The following SPMIP11 variants were observed in gnomAD, a reference collection of about 807,000 sequenced individuals.
SPMIP11 encodes the protein long intergenic non-protein coding RNA 935.
the SPMIP11 span, chr12:48,768,424 C>T: frequency 2.0e-6 from 2 of 984,204 alleles, no homozygotes; most frequent in Non-Finnish European, 3.0e-6. Context: ...TGTTTTCCAG[C>T]TTGAGGGCAG....
the SPMIP11 span, among the ~76,000 whole-genome samples, chr12:48,732,146 CAAAA>C: frequency 9.9e-6 from 1 of 100,738 alleles, no homozygotes. Flanking sequence ...AAGATTGTCT[CAAAA>C]AAAAAAAAAA....
chr12:48,732,327 G>A, the SPMIP11 span, among the ~76,000 whole-genome samples: 1 of 152,074 alleles, frequency 6.6e-6, no homozygotes, highest in African/African-American at 2.4e-5. Flanking sequence ...CCTTCTGAGA[G>A]GTATCTTGAA....
the SPMIP11 span, among the ~76,000 whole-genome samples, chr12:48,738,577 C>G: frequency 6.6e-6 from 1 of 151,134 alleles, no homozygotes; most frequent in African/African-American, 2.4e-5. Context: ...CTCTGTCCTC[C>G]AGGCTGGAGT....
At chr12:48,744,079 T>A in the SPMIP11 span, among the ~76,000 whole-genome samples, 1 of 142,652 alleles carries the variant, frequency 7.0e-6, no homozygotes, top group African/African-American at 2.6e-5. Flanking sequence ...AGAAACCCCA[T>A]CTCTACTAAA....
At chr12:48,737,589 A>AT in the SPMIP11 span, among the ~76,000 whole-genome samples, 24 of 151,156 alleles carry the variant, frequency 1.6e-4, no homozygotes, top group Non-Finnish European at 3.4e-4. Context: ...TGATATTTGT[A>AT]TTTTTAGTAG....
chr12:48,752,066 C>CAAAAAAA, the SPMIP11 span, among the ~76,000 whole-genome samples: 1 of 101,820 alleles, frequency 9.8e-6, no homozygotes, highest in Non-Finnish European at 1.8e-5. Flanking sequence ...GACTCTGCCT[C>CAAAAAAA]AAAAAAAAAA....
At chr12:48,751,032 C>T in the SPMIP11 span, among the ~76,000 whole-genome samples, 1 of 152,136 alleles carries the variant, frequency 6.6e-6, no homozygotes, top group Non-Finnish European at 1.5e-5. Context: ...AACACTGTTA[C>T]TATCATGATA....
chr12:48,746,553 G>C, the SPMIP11 span, among the ~76,000 whole-genome samples: 2 of 151,700 alleles, frequency 1.3e-5, no homozygotes. Context: ...TTTTAGTAGG[G>C]ACGGGGTTTC....
chr12:48,752,412 C>A, the SPMIP11 span, among the ~76,000 whole-genome samples: 1 of 152,128 alleles, frequency 6.6e-6, no homozygotes, highest in South Asian at 2.1e-4. Context: ...AGAAGAGCAC[C>A]CCGACCAGTG....
At chr12:48,768,534 C>T in the SPMIP11 span, 8 of 1,612,918 alleles carry the variant, frequency 5.0e-6, no homozygotes, top group African/African-American at 8.0e-5. Context: ...CCAGTGAGCA[C>T]AGAGTCCACT....
At chr12:48,752,774 C>T in the SPMIP11 span, among the ~76,000 whole-genome samples, 3 of 150,380 alleles carry the variant, frequency 2.0e-5, no homozygotes, top group African/African-American at 7.3e-5. Flanking sequence ...CGGGTTCAAG[C>T]GATTCTCCTG....
At chr12:48,762,890 G>C in the SPMIP11 span, among the ~76,000 whole-genome samples, 1 of 151,932 alleles carries the variant, frequency 6.6e-6, no homozygotes, top group Non-Finnish European at 1.5e-5. Flanking sequence ...AGGTACACAT[G>C]ATTTCCCTGT....
chr12:48,762,923 G>A, the SPMIP11 span, among the ~76,000 whole-genome samples: 1 of 151,972 alleles, frequency 6.6e-6, no homozygotes, highest in Non-Finnish European at 1.5e-5. Context: ...TTTTAATAGA[G>A]ACAGGGTCTT....
At chr12:48,735,392 G>A in the SPMIP11 span, among the ~76,000 whole-genome samples, 1 of 152,298 alleles carries the variant, frequency 6.6e-6, no homozygotes, top group South Asian at 2.1e-4. Flanking sequence ...CAGATCACCT[G>A]AGGTCAAGAG....
the SPMIP11 span, among the ~76,000 whole-genome samples, chr12:48,742,278 C>CT: frequency 4.1e-4 from 56 of 135,916 alleles, no homozygotes; most frequent in African/African-American, 1.2e-3. Context: ...TTTTCTTTTC[C>CT]TTTTTTTTTT....
the SPMIP11 span, among the ~76,000 whole-genome samples, chr12:48,734,603 G>A: frequency 6.6e-6 from 1 of 151,976 alleles, no homozygotes; most frequent in African/African-American, 2.4e-5. Context: ...TTTGAGTGTG[G>A]GTAGAACCTC....
the SPMIP11 span, among the ~76,000 whole-genome samples, chr12:48,729,012 G>A: frequency 3.9e-5 from 6 of 152,238 alleles, no homozygotes; most frequent in Non-Finnish European, 5.9e-5. Context: ...ATAAATATTT[G>A]TAGGGTGAAT....
the SPMIP11 span, chr12:48,759,370 A>G: frequency 3.0e-5 from 21 of 701,016 alleles, no homozygotes; most frequent in Non-Finnish European, 5.0e-5. Context: ...AGGAGAAAAA[A>G]AGATATGTCT....
chr12:48,736,082 C>A, the SPMIP11 span: 3 of 451,360 alleles, frequency 6.6e-6, no homozygotes, highest in Non-Finnish European at 1.3e-5. Context: ...TTTTTCCTAT[C>A]CCTAGAAACT....
Sources: allele counts gnomAD v4.1 joint callset (sites outside exome capture counted in the v4.1 genomes callset), GRCh38; gene constraint gnomAD v4.1.1; transcripts MANE v1.5; gene names NCBI Gene and HGNC (gene_info 2026-07-23, HGNC 2026-07-21).